MAN1C1: variants seen among roughly 807,000 people sequenced by gnomAD.
The protein encoded by MAN1C1 is mannosyl-oligosaccharide 1,2-alpha-mannosidase IC.
MAN1C1 carries 49 observed loss-of-function variants against 71.5 expected under a neutral mutation model. The observed-to-expected ratio is 0.69, with a 90% CI of 0.54 to 0.87. MAN1C1 has a LOEUF of 0.87. Ranked by LOEUF, MAN1C1 falls within the 40% of genes least tolerant of loss-of-function variation. MAN1C1 has a pLI of 0.00. For synonymous variants in MAN1C1, 352 were observed against 343.7 expected (o/e 1.02, Z -0.27); for missense variants, 743 against 835.0 (o/e 0.89, Z 1.36).
chr1:25,707,389 G>A (rs756322948), intron 2 of MAN1C1, among the ~76,000 whole-genome samples: 2 of 152,208 alleles, frequency 1.3e-5, no homozygotes, highest in South Asian at 2.1e-4. Flanking sequence ...CAATCAATAC[G>A]TAATCTTTTC....
intron 7 of MAN1C1, among the ~76,000 whole-genome samples, chr1:25,767,766 A>C (rs1572206800): frequency 1.2e-5 from 1 of 86,692 alleles, no homozygotes; most frequent in Non-Finnish European, 2.1e-5. Context: ...CCCCTCACAT[A>C]ATCCACACTC....
intron 2 of MAN1C1, among the ~76,000 whole-genome samples, chr1:25,704,868 G>A (rs2124228967): frequency 6.6e-6 from 1 of 152,366 alleles, no homozygotes; most frequent in South Asian, 2.1e-4. Context: ...TGGTTTCCGT[G>A]GGACGGAGCC....
At chr1:25,675,550 T>C (rs1025754067) in intron 1 of MAN1C1, among the ~76,000 whole-genome samples, 3 of 133,686 alleles carry the variant, frequency 2.2e-5, no homozygotes, top group Non-Finnish European at 3.1e-5. Context: ...TAAATGTGTA[T>C]GCAAGTGTCT....
intron 1 of MAN1C1, 121 bp downstream of exon 1, chr1:25,618,458 C>T (rs2045151024): frequency 2.1e-6 from 2 of 955,944 alleles, no homozygotes; most frequent in Non-Finnish European, 3.0e-6. Context: ...TACTTCTGGC[C>T]CTGCAGACTG....
At chr1:25,718,079 G>A (rs998434415) in intron 2 of MAN1C1, among the ~76,000 whole-genome samples, 6 of 151,880 alleles carry the variant, frequency 4.0e-5, no homozygotes, top group African/African-American at 9.7e-5. Context: ...TTGGTTGTTC[G>A]GGGTGTAACT....
chr1:25,622,208 A>C (rs1486638173), intron 1 of MAN1C1, among the ~76,000 whole-genome samples: 1 of 152,180 alleles, frequency 6.6e-6, no homozygotes, highest in East Asian at 1.9e-4. Context: ...AAACCACTGT[A>C]TGCTGCAGTT....
intron 6 of MAN1C1, chr1:25,759,204 G>A (rs1261239314): frequency 1.1e-5 from 2 of 180,108 alleles, no homozygotes; most frequent in South Asian, 1.3e-4. Context: ...CAGATGCCCT[G>A]ACTGTTCATT....
rs1440794472 is a variant in MAN1C1, at chr1:25,735,514, GTATA to G, written c.638-11148_638-11145del. Among the ~76,000 whole-genome samples the G allele has an allele frequency of 6.6e-6, 1 of 152,174 alleles. No individual in the cohort carries two copies. Among genetic ancestry groups the G allele is most frequent in the East Asian group, 1.9e-4 (1 of 5,182 alleles). ...TGTATATGTGTGTATGTATGTGTGT[GTATA>G]TATATGTGTATGTATATGTGTATGT... is the stretch of plus-strand genomic sequence containing the variant. On this transcript the variant is annotated intron_variant, in intron 2 of 11. Coordinates refer to ENST00000374332, the MANE Select transcript of MAN1C1 (RefSeq NM_020379.4). The surrounding 1 kb of genome is among the most constrained non-coding windows in gnomAD (Gnocchi z 4.6).
intron 8 of MAN1C1, among the ~76,000 whole-genome samples, chr1:25,774,094 C>A (rs1280203410): frequency 2.6e-5 from 4 of 152,174 alleles, no homozygotes; most frequent in Non-Finnish European, 5.9e-5. Flanking sequence ...TTTAAAAATC[C>A]CATGTCTAGC....
At chr1:25,689,487 T>C (rs550686391) in intron 2 of MAN1C1, among the ~76,000 whole-genome samples, 1 of 152,182 alleles carries the variant, frequency 6.6e-6, no homozygotes, top group Non-Finnish European at 1.5e-5. Flanking sequence ...CTCAGATTAC[T>C]GTCACCACAA....
chr1:25,732,498 C>G (rs1413726013), intron 2 of MAN1C1, among the ~76,000 whole-genome samples: 1 of 152,228 alleles, frequency 6.6e-6, no homozygotes, highest in Non-Finnish European at 1.5e-5. Context: ...TGTTGTGAGA[C>G]TTAAAAGAGG....
chr1:25,719,541 C>T (rs2124271948), intron 2 of MAN1C1, among the ~76,000 whole-genome samples: 1 of 152,138 alleles, frequency 6.6e-6, no homozygotes, highest in South Asian at 2.1e-4. Context: ...CCTCCCACCT[C>T]AGCCTCCTGA....
Position 25,746,746 on chromosome 1 carries a change from C to T in MAN1C1, c.716C>T (p.Ala239Val). 1 of 1,613,686 alleles carries T rather than the reference C, an allele frequency of 6.2e-7. No homozygotes were observed. Residue 239 changes from alanine to valine, a missense_variant, in exon 3 of 12, where the codon GCC (alanine) becomes GTC (valine). Transcript: ENST00000374332. The surrounding 1 kb of genome is among the most constrained non-coding windows in gnomAD (Gnocchi z 4.0). ...GAGCTGAAGGAGGAGTTCCAGGAGGCCAAGGCCTGGGTGGGAGAGAGCTTC... is the reference window on the plus strand; with the variant it reads ...GAGCTGAAGGAGGAGTTCCAGGAGGTCAAGGCCTGGGTGGGAGAGAGCTTC... ...LMELKEEFQE[A>V]KAWVGESFHL... is the part of the protein sequence containing the mutation.
At chr1:25,740,870 G>A (rs563648668) in intron 2 of MAN1C1, among the ~76,000 whole-genome samples, 6 of 152,196 alleles carry the variant, frequency 3.9e-5, no homozygotes, top group South Asian at 4.2e-4. Context: ...GAGAGAGGAG[G>A]TAGCTGGGTC....
At chr1:25,621,730 A>G (rs1039690117) in intron 1 of MAN1C1, among the ~76,000 whole-genome samples, 3 of 151,868 alleles carry the variant, frequency 2.0e-5, no homozygotes, top group African/African-American at 7.3e-5. Context: ...TTCCAGGTTC[A>G]AGCGATTCTC....
rs186271385 is a variant in MAN1C1, at chr1:25,753,530, C to T, written c.881C>T (p.Ala294Val). ...AGGCTGGGAGAGAAGCTCCTGCCGG[C>T]GTTCAACACCCCCACGGGAATCCCA... ...AIRLGEKLLPAFNTPTGIPKG... is the reference protein window; with the variant it reads ...AIRLGEKLLPVFNTPTGIPKG... The change falls in exon 5 of 12, where the codon GCG (alanine) becomes GTG (valine). Residue 294 changes from alanine to valine, a missense_variant. By Grantham distance (64) the Ala-to-Val change is moderately conservative. Coordinates refer to ENST00000374332, the MANE Select transcript of MAN1C1 (RefSeq NM_020379.4). This position sits in a 1 kb window ranked among gnomAD's most constrained non-coding sequence, Gnocchi z 4.9. 98 of 1,613,902 alleles carry T rather than the reference C, an allele frequency of 6.1e-5. No homozygotes were observed. The highest frequency in any genetic ancestry group is 2.8e-5 in the Non-Finnish European group (33 of 1,179,926).
At chr1:25,774,241 C>T (rs891859629) in intron 8 of MAN1C1, among the ~76,000 whole-genome samples, 1 of 152,154 alleles carries the variant, frequency 6.6e-6, no homozygotes, top group African/African-American at 2.4e-5. Flanking sequence ...TCAGACAGAT[C>T]GGACTGGGCA....
chr1:25,702,089 C>T (rs1032635380), intron 2 of MAN1C1, among the ~76,000 whole-genome samples: 5 of 152,056 alleles, frequency 3.3e-5, no homozygotes, highest in African/African-American at 9.7e-5. Context: ...AAAAGTAAAG[C>T]CAAATTAGTT....
intron 2 of MAN1C1, among the ~76,000 whole-genome samples, chr1:25,726,128 T>C (rs2046828010): frequency 6.6e-6 from 1 of 152,202 alleles, no homozygotes; most frequent in Non-Finnish European, 1.5e-5. Flanking sequence ...AAGAGGTCAG[T>C]GCTCAGAGCA....
Sources: allele counts gnomAD v4.1 joint callset (sites outside exome capture counted in the v4.1 genomes callset), GRCh38; gene constraint gnomAD v4.1.1; non-coding constraint Gnocchi (gnomAD v3.1); transcripts MANE v1.5; gene names NCBI Gene and HGNC (gene_info 2026-07-23, HGNC 2026-07-21).